NHSL1: variants seen among roughly 807,000 people sequenced by gnomAD.
The protein encoded by NHSL1 is NHS like 1.
In NHSL1, 48 loss-of-function variants were observed where a neutral mutation model predicts 95.0. The observed-to-expected ratio is 0.51, with a 90% confidence interval of 0.40 to 0.64. NHSL1 has a LOEUF of 0.64. Among genes scored for constraint, NHSL1 ranks in the 30% least tolerant of loss-of-function variants. NHSL1 has a pLI of 0.00. For synonymous variants in NHSL1, 783 were observed against 833.9 expected (o/e 0.94, Z 1.05); for missense variants, 1,971 against 2,077.7 (o/e 0.95, Z 1.00).
chr6:138,560,327 C>T (rs750509014), intron 1 of NHSL1, among the ~76,000 whole-genome samples: 1 of 152,144 alleles, frequency 6.6e-6, no homozygotes, highest in Non-Finnish European at 1.5e-5. Context: ...AAACCCCAAC[C>T]TCGCCAGCTT....
At chr6:138,572,805 C>T (rs1290871428), upstream of NHSL1, among the ~76,000 whole-genome samples, 1 of 151,710 alleles carries the variant, frequency 6.6e-6, no homozygotes, top group African/African-American at 2.4e-5. Context: ...AATTATCAAA[C>T]CATACTTCTG....
chr6:138,606,634 G>A (rs1033565832), intron 1 of NHSL1, among the ~76,000 whole-genome samples: 9 of 151,414 alleles, frequency 5.9e-5, no homozygotes, highest in Non-Finnish European at 1.2e-4. Flanking sequence ...TATTGCCTCC[G>A]TGCTTTTTGT....
chr6:138,464,095 G>A lies in NHSL1; in HGVS notation c.339+9211C>T, dbSNP rs559877327. The A allele has an allele frequency of 4.0e-5, 19 of 473,222 alleles. No individual in the cohort carries two copies. The East Asian group carries it at 7.5e-4, about 19-fold the overall frequency. The allele number at this position is 473,222 out of a possible 1,614,324, so 29.3% of individuals were successfully genotyped here. A position where few individuals can be genotyped will look rare whatever the true frequency, so the allele number is the denominator to read the frequency against. ...TGAGCAAGATGGTGGCCGCGCACGAGGTCAGGTGTTCAGCTATCCTCACCG... is the reference window on the plus strand; with the variant it reads ...TGAGCAAGATGGTGGCCGCGCACGAAGTCAGGTGTTCAGCTATCCTCACCG... On this transcript the variant is annotated intron_variant, in intron 3 of 7. Transcript: ENST00000343505.
At chr6:138,427,124 T>C (rs1775316403) in intron 7 of NHSL1, among the ~76,000 whole-genome samples, 1 of 152,250 alleles carries the variant, frequency 6.6e-6, no homozygotes, top group African/African-American at 2.4e-5. Context: ...ACTTAATTTG[T>C]AATTTAGATT....
At chr6:138,458,006 T>TG (rs1281710846) in intron 3 of NHSL1, among the ~76,000 whole-genome samples, 6 of 103,988 alleles carry the variant, frequency 5.8e-5, no homozygotes, top group Non-Finnish European at 9.4e-5. Context: ...AAACTCCAAC[T>TG]GAAAAAAAAA....
intron 3 of NHSL1, among the ~76,000 whole-genome samples, chr6:138,452,268 T>C (rs76571279): frequency 0.011 from 1,717 of 152,296 alleles, 38 homozygotes; most frequent in African/African-American, 0.04. Context: ...CTGGAAGACC[T>C]GCATTTTAGA....
chr6:138,462,425 C>T (rs1013298367), intron 3 of NHSL1, among the ~76,000 whole-genome samples: 1 of 152,228 alleles, frequency 6.6e-6, no homozygotes, highest in African/African-American at 2.4e-5. Flanking sequence ...CAGAAACTCA[C>T]TACCAAGCCA....
intron 1 of NHSL1, among the ~76,000 whole-genome samples, chr6:138,519,799 T>C (rs926174014): frequency 6.6e-6 from 1 of 152,210 alleles, no homozygotes; most frequent in Non-Finnish European, 1.5e-5. Context: ...ATTTCAGTAT[T>C]CAGATAGAGT....
upstream of NHSL1, among the ~76,000 whole-genome samples, chr6:138,573,580 T>C (rs921808463): frequency 6.6e-6 from 1 of 152,148 alleles, no homozygotes; most frequent in Non-Finnish European, 1.5e-5. Context: ...TAGAAGATAG[T>C]CAGAAGTTCT....
In NHSL1 at chr6:138,464,549, AT is replaced by A. The variant is rs900681462; in HGVS notation, c.339+8756del. On this transcript the variant is annotated intron_variant, in intron 3 of 7. Transcript: ENST00000343505. ...GCGCTAAACAAATTCTGTCTCTGTG[AT>A]TTTTTTTTTCCATTTCTAGATTTAC... is the stretch of plus-strand genomic sequence containing the variant. Among the ~76,000 whole-genome samples, 602 of 150,486 alleles carry A rather than the reference AT, an allele frequency of 4.0e-3. 6 individuals are homozygous for A. The highest frequency in any genetic ancestry group is 0.014 in the African/African-American group (564 of 41,078).
At chr6:138,465,068 A>AG (rs983546263) in intron 3 of NHSL1, among the ~76,000 whole-genome samples, 4 of 151,786 alleles carry the variant, frequency 2.6e-5, no homozygotes, top group African/African-American at 9.7e-5. Context: ...AAAAAAAAAA[A>AG]AAAGAATGAA....
intron 4 of NHSL1, among the ~76,000 whole-genome samples, chr6:138,444,613 A>G (rs1044224451): frequency 6.6e-6 from 1 of 151,506 alleles, no homozygotes; most frequent in East Asian, 1.9e-4. Flanking sequence ...CCTTACTAGG[A>G]AAATCAAACT....
At chr6:138,525,501 C>T (rs1781863054) in intron 1 of NHSL1, among the ~76,000 whole-genome samples, 1 of 150,470 alleles carries the variant, frequency 6.6e-6, no homozygotes, top group African/African-American at 2.4e-5. Context: ...ACATTCCAGC[C>T]TGAACAACGA....
chr6:138,570,250 C>T (rs1228031659), intron 1 of NHSL1, among the ~76,000 whole-genome samples: 1 of 152,206 alleles, frequency 6.6e-6, no homozygotes, highest in Non-Finnish European at 1.5e-5. Flanking sequence ...TACAAAGCAA[C>T]CTTTGGCAAA....
intron 1 of NHSL1, among the ~76,000 whole-genome samples, chr6:138,539,807 C>A (rs1782509673): frequency 6.6e-6 from 1 of 152,190 alleles, no homozygotes; most frequent in South Asian, 2.1e-4. Context: ...TTTTAGGCGG[C>A]AAAACTCTGT....
chr6:138,580,910 T>C (rs369733173), intron 1 of NHSL1, among the ~76,000 whole-genome samples: 5 of 152,320 alleles, frequency 3.3e-5, no homozygotes, highest in African/African-American at 1.2e-4. Flanking sequence ...CAATCACATG[T>C]GTCCTTTCAA....
chr6:138,631,004 C>A (rs1023626632), intron 1 of NHSL1, among the ~76,000 whole-genome samples: 5 of 152,172 alleles, frequency 3.3e-5, no homozygotes, highest in African/African-American at 1.2e-4. Flanking sequence ...GATGCCATCC[C>A]TCCACCATCC....
intron 1 of NHSL1, among the ~76,000 whole-genome samples, chr6:138,560,869 G>A (rs1357781911): frequency 3.3e-5 from 5 of 152,188 alleles, no homozygotes; most frequent in Admixed American, 3.3e-4. Flanking sequence ...CAAAGTTAAA[G>A]AGAAGCTTAG....
intron 1 of NHSL1, among the ~76,000 whole-genome samples, chr6:138,516,049 T>C (rs1781446661): frequency 6.6e-6 from 1 of 152,234 alleles, no homozygotes; most frequent in Non-Finnish European, 1.5e-5. Context: ...GCAGCCGGCC[T>C]AGCATTTGCA....
Sources: gnomAD v4.1 joint callset for allele counts (sites outside exome capture counted in the v4.1 genomes callset) on GRCh38, gnomAD v4.1.1 for gene constraint, MANE v1.5 for transcripts, NCBI Gene and HGNC (gene_info 2026-07-23, HGNC 2026-07-21) for gene names.